Variants in MRTFA observed in about 807,000 individuals in gnomAD.
The protein encoded by MRTFA is myocardin related transcription factor A.
Under a neutral mutation model 83.5 loss-of-function variants are expected in MRTFA, and 20 were observed. The ratio of observed to expected loss-of-function variants is 0.24; its 90% confidence interval spans 0.17 to 0.35. MRTFA has a LOEUF of 0.35. Among genes scored for constraint, MRTFA ranks in the 10% least tolerant of loss-of-function variants. The pLI is 1.00. For synonymous variants in MRTFA, 659 were observed against 541.2 expected, an observed-to-expected ratio of 1.22 and a Z score of -3.02; for missense variants, 1,200 against 1,224.7, an observed-to-expected ratio of 0.98 and a Z score of 0.30.
chr22:40,527,165 TTTAAA>T (rs2054990874), intron 3 of MRTFA, among the ~76,000 whole-genome samples: 1 of 150,022 alleles, frequency 6.7e-6, no homozygotes, highest in Non-Finnish European at 1.5e-5. Context: ...CACAAATACT[TTTAAA>T]TTATGACAGA....
rs1460071396 is a variant in MRTFA at position 40,417,570 on chromosome 22, G to A, written c.2365-77C>T. 12 of 345,390 alleles carry A rather than the reference G, an allele frequency of 3.5e-5. 2 individuals carry two copies. Among genetic ancestry groups the A allele is most frequent in the East Asian group, 7.8e-5 (1 of 12,872 alleles). 21.4% of individuals were successfully genotyped at this position (345,390 alleles called of 1,614,324 possible). The stretch of plus-strand genomic sequence containing the variant: ...ACCTGCCTTGTAGGGGGCGGGGGGC[G>A]GGGATAGGGCCAGGGCCTCTCACAC... On this transcript the variant is annotated intron_variant, in intron 12 of 14. Transcript: ENST00000355630.
intron 4 of MRTFA, among the ~76,000 whole-genome samples, chr22:40,448,125 C>T (rs1239928359): frequency 6.6e-6 from 1 of 152,168 alleles, no homozygotes; most frequent in Non-Finnish European, 1.5e-5. Context: ...TCCTGGCCAA[C>T]ACGGTGAAAC....
intron 4 of MRTFA, among the ~76,000 whole-genome samples, chr22:40,443,751 C>A (rs1184228271): frequency 6.6e-6 from 1 of 152,156 alleles, no homozygotes; most frequent in African/African-American, 2.4e-5. Flanking sequence ...TGAGATGCCC[C>A]AATACCCTTG....
At position 40,410,573 on chromosome 22, in the gene MRTFA, G is replaced by A; in HGVS notation, c.*817C>T. ...GGCCAGGTAGCACCTCTGCCCTCAT[G>A]GCACTGATAAGGAGCCAGGAAGCAG... is the stretch of plus-strand genomic sequence containing the variant. On this transcript the variant is annotated 3_prime_UTR_variant, in exon 15 of 15. Coordinates refer to ENST00000355630, the MANE Select transcript of MRTFA (RefSeq NM_020831.6). 1 of 233,192 alleles carries A rather than the reference G, an allele frequency of 4.3e-6. No homozygotes were observed. 14.4% of individuals were successfully genotyped at this position (233,192 alleles called of 1,614,324 possible). A position where few individuals can be genotyped will look rare whatever the true frequency, so the allele number is the denominator to read the frequency against.
At chr22:40,459,830 C>CATATATATATATATATATACAT (rs2053673652) in intron 4 of MRTFA, among the ~76,000 whole-genome samples, 2 of 86,952 alleles carry the variant, frequency 2.3e-5, no homozygotes, top group Non-Finnish European at 4.2e-5. Context: ...CACATATATA[C>CATATATATATATATATATACAT]ATATATATAT....
chr22:40,520,675 G>C (rs967765501), intron 3 of MRTFA, among the ~76,000 whole-genome samples: 4 of 152,158 alleles, frequency 2.6e-5, no homozygotes, highest in African/African-American at 9.7e-5. Context: ...CCAAAGTACT[G>C]GGATTATAGG....
At chr22:40,621,062 C>A (rs1282944417) in intron 1 of MRTFA, among the ~76,000 whole-genome samples, 4 of 151,628 alleles carry the variant, frequency 2.6e-5, no homozygotes, top group African/African-American at 4.8e-5. Context: ...ATGCCTGTAG[C>A]CCCAGCTACT....
Position 40,517,112 on chromosome 22 carries a change from G to C in MRTFA, c.241+34994C>G, listed in dbSNP as rs537209763. Among the ~76,000 whole-genome samples, 59 of 152,184 alleles carry C rather than the reference G, an allele frequency of 3.9e-4. No individual in the cohort carries two copies. In the South Asian group the frequency reaches 6.0e-3, roughly 16 times the overall value. On this transcript the variant is annotated intron_variant, in intron 3 of 14. Coordinates refer to ENST00000355630, the MANE Select transcript of MRTFA (RefSeq NM_020831.6). ...TAATTTTTCATTATTTGTAGAAATG[G>C]CAGTCTCACTATGTTGCCCAGGCTG...
chr22:40,417,272 TG>T, intron 13 of MRTFA, 68 bp downstream of exon 13: 1 of 1,561,152 alleles, frequency 6.4e-7, no homozygotes, highest in Non-Finnish European at 8.7e-7. Flanking sequence ...CGGGTGGGGC[TG>T]TAGGAGCCTC....
chr22:40,458,799 C>T (rs575684383), intron 4 of MRTFA, among the ~76,000 whole-genome samples: 3 of 152,198 alleles, frequency 2.0e-5, no homozygotes, highest in Admixed American at 1.3e-4. Flanking sequence ...TCAGGCTGGC[C>T]GGGCGTGGAG....
intron 9 of MRTFA, among the ~76,000 whole-genome samples, chr22:40,421,483 T>C (rs1029024047): frequency 2.6e-5 from 4 of 152,202 alleles, no homozygotes; most frequent in South Asian, 2.1e-4. Flanking sequence ...AGAATGCTGC[T>C]TGCTCTTCTC....
intron 3 of MRTFA, among the ~76,000 whole-genome samples, chr22:40,470,276 T>TATATATATATATAA (rs1164339704): frequency 1.0e-5 from 1 of 99,290 alleles, no homozygotes; most frequent in Non-Finnish European, 2.1e-5. Context: ...TATATATATA[T>TATATATATATATAA]ATATAAAGAA....
rs141882793 is a variant in MRTFA at position 40,478,942 on chromosome 22, C to G, written c.242-15656G>C. On this transcript the variant is annotated intron_variant, in intron 3 of 14. Coordinates refer to ENST00000355630, the MANE Select transcript of MRTFA (RefSeq NM_020831.6). ...AGCCAGAAAGAGTTGTCCAACACCC[C>G]CTAACAGCAGTTAGCATTACCATTC... Among the ~76,000 whole-genome samples, 50 of 152,174 alleles carry G rather than the reference C, an allele frequency of 3.3e-4. 1 individual carries two copies. In the East Asian group the frequency reaches 7.7e-3, roughly 24 times the overall value.
At chr22:40,429,573 G>T in intron 7 of MRTFA, 33 bp downstream of exon 7, 1 of 1,613,712 alleles carries the variant, frequency 6.2e-7, no homozygotes, top group Non-Finnish European at 8.5e-7. Context: ...CATCTCAGCT[G>T]CCTCTCACAC....
intron 2 of MRTFA, among the ~76,000 whole-genome samples, chr22:40,562,433 A>G (rs1357168540): frequency 6.6e-6 from 1 of 151,288 alleles, no homozygotes. Context: ...CAGGCAGAAT[A>G]ATCCCTAAGC....
At chr22:40,542,171 T>C (rs1249078804) in intron 3 of MRTFA, among the ~76,000 whole-genome samples, 2 of 152,124 alleles carry the variant, frequency 1.3e-5, no homozygotes, top group Admixed American at 6.5e-5. Flanking sequence ...AGTTCCTTTG[T>C]GACAATTTTC....
chr22:40,431,374 C>G (rs2147094224), intron 6 of MRTFA, 31 bp downstream of exon 6: 1 of 1,599,220 alleles, frequency 6.3e-7, no homozygotes, highest in South Asian at 1.1e-5. Context: ...AGAACTGGAT[C>G]TAGATGGAAA....
chr22:40,578,467 C>G (rs1438498357), intron 2 of MRTFA, among the ~76,000 whole-genome samples: 1 of 152,110 alleles, frequency 6.6e-6, no homozygotes, highest in Non-Finnish European at 1.5e-5. Context: ...ACATCCTTTC[C>G]TCTAAGAATG....
chr22:40,476,563 T>C (rs1016682510), intron 3 of MRTFA, among the ~76,000 whole-genome samples: 15 of 152,144 alleles, frequency 9.9e-5, no homozygotes, highest in Non-Finnish European at 4.4e-5. Context: ...GCTCAAGCAA[T>C]TGATCCTCTT....
Sources: gnomAD v4.1 joint callset for allele counts (sites outside exome capture counted in the v4.1 genomes callset) on GRCh38, gnomAD v4.1.1 for gene constraint, MANE v1.5 for transcripts, NCBI Gene and HGNC (gene_info 2026-07-23, HGNC 2026-07-21) for gene names.